The following PRDM6 variants were observed in gnomAD, a reference collection of about 807,000 sequenced individuals.
The protein encoded by PRDM6 is putative histone-lysine N-methyltransferase PRDM6.
PRDM6 carries 25 observed loss-of-function variants against 60.8 expected under a neutral mutation model. The ratio of observed to expected loss-of-function variants is 0.41; its 90% CI spans 0.30 to 0.57. The LOEUF (loss-of-function observed/expected upper bound fraction) is 0.57, where lower values mean the gene tolerates loss of function less well. Among genes scored for constraint, PRDM6 ranks in the 20% least tolerant of loss-of-function variants. The pLI, the probability that PRDM6 is intolerant of heterozygous loss-of-function variation, is 0.27. For missense variants in PRDM6, 839 were observed against 821.3 expected (o/e 1.02, Z -0.26); for synonymous variants, 407 against 357.4 (o/e 1.14, Z -1.57).
In PRDM6 at chr5:123,187,154, G is replaced by A. The variant is rs1231086894; in HGVS notation, c.1741G>A (p.Glu581Lys). 4 of 1,551,450 alleles carry A rather than the reference G, an allele frequency of 2.6e-6. No individual in the cohort carries two copies. Among genetic ancestry groups the A allele is most frequent in the Non-Finnish European group, 3.5e-6 (4 of 1,146,930 alleles). The part of the protein sequence containing the change: ...QLSRHQRMPN[E>K]CKPITESPES... ...GAGCCGACACCAGCGGATGCCCAAT[G>A]AGTGCAAGCCAATAACTGAGAGCCC... The change falls in exon 8 of 8, where the codon GAG becomes AAG. Residue 581 changes from glutamate (E) to lysine (K), a missense_variant. This residue lies in a region of PRDM6 where 109 missense variants were observed against 172.6 expected (regional missense o/e 0.63). Coordinates refer to ENST00000407847, the MANE Select transcript of PRDM6 (RefSeq NM_001136239.4).
intron 3 of PRDM6, among the ~76,000 whole-genome samples, chr5:123,103,820 C>G (rs1764152261): frequency 6.6e-6 from 1 of 152,068 alleles, no homozygotes; most frequent in South Asian, 2.1e-4. Context: ...GGCCTTTCAA[C>G]TCAGTGCCTG....
At chr5:123,181,537 G>A (rs1766161499) in intron 7 of PRDM6, among the ~76,000 whole-genome samples, 1 of 152,152 alleles carries the variant, frequency 6.6e-6, no homozygotes, top group South Asian at 2.1e-4. Flanking sequence ...TCTGTGTGAT[G>A]AACTCTTTTC....
intron 5 of PRDM6, among the ~76,000 whole-genome samples, chr5:123,164,866 C>T (rs1056728421): frequency 1.3e-5 from 2 of 152,136 alleles, no homozygotes; most frequent in Non-Finnish European, 2.9e-5. Context: ...TGAACCACCT[C>T]GCCCTTGGTC....
intron 3 of PRDM6, among the ~76,000 whole-genome samples, chr5:123,140,997 G>A (rs961604496): frequency 6.6e-6 from 1 of 151,908 alleles, no homozygotes; most frequent in Non-Finnish European, 1.5e-5. Context: ...ATTTTTTAGA[G>A]TTAATTCTGA....
At position 123,099,387 on chromosome 5, in the gene PRDM6, G is replaced by A. The variant is rs974830071; in HGVS notation, c.593-267G>A. On this transcript the variant is annotated intron_variant, in intron 2 of 7. Coordinates refer to ENST00000407847, the MANE Select transcript of PRDM6 (RefSeq NM_001136239.4). This position sits in a 1 kb window ranked among gnomAD's most constrained non-coding sequence, Gnocchi z 4.0. ...CGTGGAGAGCGGACATGCTATCTGC[G>A]CCCAGATCCGAAGGCTTTTTGGGGA... 3.9e-5 allele frequency among the ~76,000 whole-genome samples: 6 copies of A among 152,268 alleles called. No individual in the cohort carries two copies. In the East Asian group the frequency reaches 1.2e-3, roughly 29 times the overall value.
At chr5:123,089,938 C>A in intron 1 of PRDM6, 62 bp from the exon 2 acceptor site, 1 of 1,265,170 alleles carries the variant, frequency 7.9e-7, no homozygotes, top group Non-Finnish European at 1.1e-6. Flanking sequence ...GTCCCAGTGG[C>A]CCTCTTCCCG....
At chr5:123,120,908 T>G (rs1261064824) in intron 3 of PRDM6, among the ~76,000 whole-genome samples, 1 of 152,228 alleles carries the variant, frequency 6.6e-6, no homozygotes, top group Non-Finnish European at 1.5e-5. Context: ...GAATTATCTC[T>G]CTTACAGAGT....
intron 6 of PRDM6, among the ~76,000 whole-genome samples, chr5:123,172,682 C>T (rs954881885): frequency 6.6e-5 from 10 of 152,066 alleles, no homozygotes; most frequent in African/African-American, 2.4e-4. Flanking sequence ...ATGGTTGGAT[C>T]TATTATTTGC....
At chr5:123,103,814 T>C (rs535358254) in intron 3 of PRDM6, among the ~76,000 whole-genome samples, 50 of 152,214 alleles carry the variant, frequency 3.3e-4, no homozygotes, top group South Asian at 6.2e-4. Context: ...TACTCAGGCC[T>C]TTCAACTCAG....
At chr5:123,138,620 T>G (rs954346384) in intron 3 of PRDM6, among the ~76,000 whole-genome samples, 2 of 152,370 alleles carry the variant, frequency 1.3e-5, no homozygotes, top group South Asian at 2.1e-4. Context: ...ACAAAATTAT[T>G]CCTTTATCTC....
chr5:123,113,934 AACCTACC>A (rs1561818275), intron 3 of PRDM6, among the ~76,000 whole-genome samples: 1 of 152,212 alleles, frequency 6.6e-6, no homozygotes, highest in Non-Finnish European at 1.5e-5. Flanking sequence ...ATTTATGGAG[AACCTACC>A]ATGCATGAGG....
At chr5:123,137,793 A>AT (rs386404879) in intron 3 of PRDM6, among the ~76,000 whole-genome samples, 2 of 151,832 alleles carry the variant, frequency 1.3e-5, no homozygotes, top group Non-Finnish European at 2.9e-5. Flanking sequence ...TATAATAAAA[A>AT]TAGAAAAAAA....
At chr5:123,171,709 G>A (rs1201090249) in intron 6 of PRDM6, among the ~76,000 whole-genome samples, 2 of 141,008 alleles carry the variant, frequency 1.4e-5, no homozygotes, top group Non-Finnish European at 3.0e-5. Context: ...ATACCTCAGA[G>A]TCAAAGTTGG....
chr5:123,183,804 T>C (rs1766220951), intron 7 of PRDM6, among the ~76,000 whole-genome samples: 1 of 152,202 alleles, frequency 6.6e-6, no homozygotes, highest in Admixed American at 6.5e-5. Flanking sequence ...CAAGGACTCC[T>C]TCCTCCTTCT....
At chr5:123,106,529 T>C (rs1311930571) in intron 3 of PRDM6, among the ~76,000 whole-genome samples, 1 of 152,222 alleles carries the variant, frequency 6.6e-6, no homozygotes, top group Non-Finnish European at 1.5e-5. Context: ...TACAGTTCAA[T>C]GACAGGTAAT....
At chr5:123,177,297 G>C (rs1268432423) in intron 6 of PRDM6, among the ~76,000 whole-genome samples, 1 of 152,154 alleles carries the variant, frequency 6.6e-6, no homozygotes. Context: ...TCTACTTACA[G>C]TGTAACTTCT....
At chr5:123,176,280 A>AC (rs1766007052) in intron 6 of PRDM6, among the ~76,000 whole-genome samples, 1 of 150,918 alleles carries the variant, frequency 6.6e-6, no homozygotes, top group Admixed American at 6.6e-5. Flanking sequence ...TAAAAAAAAA[A>AC]AAACAAAAAA....
chr5:123,155,738 T>G, intron 3 of PRDM6, 146 bp from the exon 4 acceptor site: 1 of 805,238 alleles, frequency 1.2e-6, no homozygotes, highest in East Asian at 2.8e-5. Context: ...GTTATTCCGG[T>G]TGAGTTGTCC....
At chr5:123,162,499 T>C (rs1765657607) in intron 5 of PRDM6, among the ~76,000 whole-genome samples, 1 of 152,192 alleles carries the variant, frequency 6.6e-6, no homozygotes, top group East Asian at 1.9e-4. Context: ...GGATATATGA[T>C]ATATCATTTA....
Sources: gnomAD v4.1 joint callset for allele counts (sites outside exome capture counted in the v4.1 genomes callset) on GRCh38, gnomAD v4.1.1 for gene constraint, gnomAD v4.1.1 regional missense constraint, Gnocchi (gnomAD v3.1) non-coding constraint, MANE v1.5 for transcripts, NCBI Gene and HGNC (gene_info 2026-07-23, HGNC 2026-07-21) for gene names.